Variants in TMEM131 observed in about 807,000 individuals in gnomAD.
The protein encoded by TMEM131 is transmembrane protein 131.
TMEM131 carries 66 observed loss-of-function variants against 211.6 expected under a neutral mutation model. The observed-to-expected ratio is 0.31, with a 90% confidence interval of 0.26 to 0.38. The LOEUF (loss-of-function observed/expected upper bound fraction) is 0.38. Among genes scored for constraint, TMEM131 ranks in the 10% least tolerant of loss-of-function variants. The probability of loss-of-function intolerance (pLI) is 1.00; values close to 1 mark genes in which losing one functional copy is unlikely to be tolerated. For missense variants in TMEM131, 2,036 were observed against 2,299.3 expected (o/e 0.89, Z 2.34); for synonymous variants, 844 against 841.3 (o/e 1.00, Z -0.06).
intron 31 of TMEM131, among the ~76,000 whole-genome samples, chr2:97,791,411 CTT>C (rs1274055664): frequency 5.3e-5 from 8 of 152,244 alleles, no homozygotes; most frequent in African/African-American, 1.7e-4. Context: ...TCCTTGCCCT[CTT>C]GTTTGCTCAT....
At chr2:97,788,872 T>G (rs544799302) in intron 31 of TMEM131, among the ~76,000 whole-genome samples, 10 of 152,364 alleles carry the variant, frequency 6.6e-5, no homozygotes, top group African/African-American at 2.2e-4. Context: ...GCACCATGTT[T>G]CCATGTATTA....
chr2:97,857,099 G>A (rs755416330), intron 5 of TMEM131, among the ~76,000 whole-genome samples: 4 of 152,142 alleles, frequency 2.6e-5, no homozygotes, highest in Non-Finnish European at 5.9e-5. Context: ...GTTCAGAAAC[G>A]TCAAGTTAGT....
chr2:97,862,824 G>A (rs1674122505), intron 4 of TMEM131, among the ~76,000 whole-genome samples: 1 of 152,150 alleles, frequency 6.6e-6, no homozygotes, highest in Non-Finnish European at 1.5e-5. Context: ...TTTATTTAAA[G>A]TGATAATAAC....
At chr2:97,850,730 T>C (rs1673590085) in intron 5 of TMEM131, among the ~76,000 whole-genome samples, 1 of 152,122 alleles carries the variant, frequency 6.6e-6, no homozygotes, top group Non-Finnish European at 1.5e-5. Context: ...TAAAATGTTC[T>C]CTAAAAAAAG....
rs1681047891 is a variant in TMEM131, at chr2:97,801,803, A to G, written c.2718+92T>C. On this transcript the variant is annotated intron_variant, in intron 25 of 40. Transcript: ENST00000186436. ...TCTTCAGTAACTTACCCTTCAGCCA[A>G]ATTTAAGAGTAGCCAATAATTTTCT... The G allele has an allele frequency of 4.2e-6, 4 of 948,506 alleles. No individual in the cohort carries two copies. In the East Asian group the frequency reaches 1.2e-4, roughly 28 times the overall value. 58.8% of individuals were successfully genotyped at this position (948,506 alleles called of 1,614,324 possible). A position where few individuals can be genotyped will look rare whatever the true frequency, so the allele number is the denominator to read the frequency against.
intron 31 of TMEM131, among the ~76,000 whole-genome samples, chr2:97,776,256 G>A (rs1392891063): frequency 2.0e-5 from 3 of 151,898 alleles, no homozygotes; most frequent in South Asian, 2.1e-4. Flanking sequence ...GGGTTTCGTC[G>A]TGTTAGCCAG....
At chr2:97,895,877 C>T (rs7582298) in intron 3 of TMEM131, among the ~76,000 whole-genome samples, 40,741 of 152,010 alleles carry the variant, frequency 0.27, 5,963 homozygotes, top group Middle Eastern at 0.36. Flanking sequence ...CAGTTCTGCT[C>T]TGATCTTAGT....
intron 11 of TMEM131, among the ~76,000 whole-genome samples, chr2:97,830,451 T>C (rs920931429): frequency 2.0e-5 from 3 of 152,238 alleles, no homozygotes; most frequent in African/African-American, 7.2e-5. Flanking sequence ...ACCCAACTAA[T>C]GCTCAGTAAC....
intron 33 of TMEM131, among the ~76,000 whole-genome samples, chr2:97,771,790 A>G (rs2104800703): frequency 6.6e-6 from 1 of 152,344 alleles, no homozygotes; most frequent in East Asian, 1.9e-4. Flanking sequence ...ATGGGGAGGA[A>G]CTGGAGTTAT....
intron 22 of TMEM131, among the ~76,000 whole-genome samples, chr2:97,803,073 G>T (rs1055359834): frequency 6.6e-6 from 1 of 152,106 alleles, no homozygotes; most frequent in Non-Finnish European, 1.5e-5. Context: ...GTAATCCCGC[G>T]TAAGTTTCGA....
intron 2 of TMEM131, among the ~76,000 whole-genome samples, chr2:97,911,354 T>G (rs1469274252): frequency 6.6e-6 from 1 of 152,212 alleles, no homozygotes; most frequent in African/African-American, 2.4e-5. Context: ...GTATGTCCAT[T>G]ATCTTGATTG....
intron 4 of TMEM131, among the ~76,000 whole-genome samples, chr2:97,885,293 T>TTCACA (rs372164636): frequency 6.7e-6 from 1 of 149,714 alleles, no homozygotes; most frequent in Non-Finnish European, 1.5e-5. Context: ...CGCTTCCCGG[T>TTCACA]CCATTCTCCT....
intron 1 of TMEM131, among the ~76,000 whole-genome samples, chr2:97,939,762 C>T (rs1167202943): frequency 6.6e-6 from 1 of 152,098 alleles, no homozygotes; most frequent in African/African-American, 2.4e-5. Context: ...AACATCGATG[C>T]AAAATCTTCA....
intron 1 of TMEM131, among the ~76,000 whole-genome samples, chr2:97,972,887 C>T (rs930838834): frequency 6.6e-6 from 1 of 152,126 alleles, no homozygotes; most frequent in East Asian, 1.9e-4. Context: ...AGCTGGAAAA[C>T]TCAAGCCAAC....
At chr2:97,854,022 G>A (rs574187691) in intron 5 of TMEM131, among the ~76,000 whole-genome samples, 1 of 152,318 alleles carries the variant, frequency 6.6e-6, no homozygotes, top group African/African-American at 2.4e-5. Flanking sequence ...TGTGGGTAAA[G>A]TGCTATTAAA....
intron 31 of TMEM131, among the ~76,000 whole-genome samples, chr2:97,788,844 G>A (rs1680369374): frequency 1.3e-5 from 2 of 152,100 alleles, no homozygotes; most frequent in Non-Finnish European, 2.9e-5. Flanking sequence ...TCTGACCTTG[G>A]CCCAGAGATA....
At chr2:97,845,835 G>A (rs2105117557) in intron 5 of TMEM131, among the ~76,000 whole-genome samples, 1 of 150,368 alleles carries the variant, frequency 6.7e-6, no homozygotes, top group Non-Finnish European at 1.5e-5. Flanking sequence ...TCTACAGAGA[G>A]TGACTGTGAT....
intron 2 of TMEM131, among the ~76,000 whole-genome samples, chr2:97,912,035 G>A (rs1676311937): frequency 6.6e-6 from 1 of 152,064 alleles, no homozygotes; most frequent in South Asian, 2.1e-4. Flanking sequence ...AAGACAAAAG[G>A]ATTGCATCAA....
chr2:97,816,096 T>G (rs138972910), intron 12 of TMEM131, among the ~76,000 whole-genome samples: 7 of 152,296 alleles, frequency 4.6e-5, no homozygotes, highest in African/African-American at 1.7e-4. Flanking sequence ...ATCCCAGCAC[T>G]TTGCCAGGCT....
Sources: allele counts gnomAD v4.1 joint callset (sites outside exome capture counted in the v4.1 genomes callset), GRCh38; gene constraint gnomAD v4.1.1; transcripts MANE v1.5; gene names NCBI Gene and HGNC (gene_info 2026-07-23, HGNC 2026-07-21).